ATL3: variants seen among roughly 807,000 people sequenced by gnomAD.
ATL3 encodes atlastin-3.
ATL3 carries 49 observed loss-of-function variants against 69.5 expected under a neutral mutation model. That is an observed-to-expected ratio of 0.71 (90% confidence interval 0.56 to 0.89). The LOEUF (loss-of-function observed/expected upper bound fraction) is 0.89. Among genes scored for constraint, ATL3 ranks in the 40% least tolerant of loss-of-function variants. ATL3 has a pLI of 0.00. For missense variants in ATL3, 606 were observed against 645.7 expected, an observed-to-expected ratio of 0.94 and a Z score of 0.67; for synonymous variants, 214 against 224.1, an observed-to-expected ratio of 0.95 and a Z score of 0.40.
rs761170351 is a variant in ATL3 at position 63,631,402 on chromosome 11, G to C, written c.1177C>G (p.Leu393Val). ...LEEKHCEFKQ[L>V]ALDHFKKTKK... Reference sequence around the variant, plus strand: ...GTCTTCTTAAAATGGTCCAGAGCAAGTTGTTTGAATTCACAGTGCTTCTCC... The same window carrying C: ...GTCTTCTTAAAATGGTCCAGAGCAACTTGTTTGAATTCACAGTGCTTCTCC... Residue 393 changes from leucine (L) to valine (V), a missense_variant, in exon 12 of 13, where the codon CTT becomes GTT. Physicochemically the swap from Leu to Val is conservative, Grantham distance 32. Transcript: ENST00000398868. The C allele has an allele frequency of 1.2e-6, 2 of 1,614,074 alleles. No individual in the cohort carries two copies. Among genetic ancestry groups the C allele is most frequent in the African/African-American group, 2.7e-5 (2 of 74,928 alleles).
intron 1 of ATL3, among the ~76,000 whole-genome samples, chr11:63,660,546 G>A (rs987180473): frequency 6.6e-6 from 1 of 152,148 alleles, no homozygotes; most frequent in African/African-American, 2.4e-5. Context: ...CTGTGATCCA[G>A]CAATTCTACT....
intron 5 of ATL3, among the ~76,000 whole-genome samples, chr11:63,647,377 G>A (rs1939918547): frequency 6.6e-6 from 1 of 152,140 alleles, no homozygotes. Flanking sequence ...ATTTTTAGTA[G>A]AGACGGGGTT....
chr11:63,658,638 T>G, intron 3 of ATL3, 123 bp downstream of exon 3: 3 of 1,152,308 alleles, frequency 2.6e-6, no homozygotes, highest in Non-Finnish European at 3.5e-6. Flanking sequence ...CTTTTTAACT[T>G]TTCTTACTTT....
At chr11:63,655,986 AGGCCAAGGCG>A (rs1284777439) in intron 3 of ATL3, among the ~76,000 whole-genome samples, 1 of 152,210 alleles carries the variant, frequency 6.6e-6, no homozygotes, top group African/African-American at 2.4e-5. Context: ...GCACTTTGGG[AGGCCAAGGCG>A]GGCAGATCAC....
intron 5 of ATL3, 95 bp from the exon 6 acceptor site, chr11:63,646,658 C>A: frequency 2.7e-6 from 2 of 736,418 alleles, no homozygotes; most frequent in Non-Finnish European, 4.5e-6. Context: ...TATACTGATA[C>A]CAGACTTCTA....
At chr11:63,631,592 T>C in intron 11 of ATL3, 121 bp from the exon 12 acceptor site, 2 of 931,406 alleles carry the variant, frequency 2.1e-6, no homozygotes, top group South Asian at 3.6e-5. Context: ...ATTAATAAGT[T>C]AACTTTTAAA....
At chr11:63,649,871 G>A (rs931494541) in intron 5 of ATL3, among the ~76,000 whole-genome samples, 30 of 152,118 alleles carry the variant, frequency 2.0e-4, no homozygotes, top group Admixed American at 7.2e-4. Flanking sequence ...ACTGATCTAT[G>A]CTTTATGGTA....
In ATL3 at chr11:63,651,939, C is replaced by T; in HGVS notation, c.558G>A (p.Leu186=). 1 of 1,594,518 alleles carries T rather than the reference C, an allele frequency of 6.3e-7. No homozygotes were observed. The highest frequency in any genetic ancestry group is 1.9e-4 in the Middle Eastern group (1 of 5,310). The change falls in exon 5 of 13, where the codon CTG becomes CTA. Residue 186 remains leucine (L), a synonymous_variant. Transcript: ENST00000398868. ...QNIQEDDLQQ[L]QLFTEYGRLA... ...AATTGTTATGAGAAATATATACCTGCAGCTGTTGAAGATCATCTTCTTGAA... is the reference window on the plus strand; with the variant it reads ...AATTGTTATGAGAAATATATACCTGTAGCTGTTGAAGATCATCTTCTTGAA...
In ATL3 at chr11:63,624,123, A is replaced by C. The variant is rs1939026451; in HGVS notation, c.*5196T>G. 1 of 152,248 alleles carries C rather than the reference A, an allele frequency of 6.6e-6. No individual in the cohort carries two copies. Among genetic ancestry groups the C allele is most frequent in the African/African-American group, 2.4e-5 (1 of 41,468 alleles). The allele number at this position is 152,248 out of a possible 1,614,324, so 9.4% of individuals were successfully genotyped here. On this transcript the variant is annotated 3_prime_UTR_variant, in exon 13 of 13. Coordinates refer to ENST00000398868, the MANE Select transcript of ATL3 (RefSeq NM_015459.5). ...TCTTTATTCCATTAAATGATCTTAC[A>C]AATTGGAGTAAAACAGAAACATGCT... is the stretch of plus-strand genomic sequence containing the variant.
In ATL3 at chr11:63,643,411, G is replaced by C. The variant is rs1052779395; in HGVS notation, c.796C>G (p.Pro266Ala). ...GTGGCCACCTGGAGTCCTGGATGTGGTAAGAGAAAGCAGGTGACATCGGAG... is the reference window on the plus strand; with the variant it reads ...GTGGCCACCTGGAGTCCTGGATGTGCTAAGAGAAAGCAGGTGACATCGGAG... The part of the protein sequence containing the change: ...CFSDVTCFLL[P>A]HPGLQVATSP... The change falls in exon 8 of 13, where the codon CCA becomes GCA. Residue 266 changes from proline to alanine, a missense_variant. Coordinates refer to ENST00000398868, the MANE Select transcript of ATL3 (RefSeq NM_015459.5). The C allele has an allele frequency of 3.1e-6, 5 of 1,611,140 alleles. No homozygotes were observed. The Admixed American group carries it at 5.0e-5, about 16-fold the overall frequency.
intron 8 of ATL3, among the ~76,000 whole-genome samples, chr11:63,638,982 G>A (rs530556169): frequency 1.3e-5 from 2 of 152,258 alleles, no homozygotes; most frequent in East Asian, 3.9e-4. Context: ...TCCTTTTATG[G>A]ATTAGCCCTA....
chr11:63,658,629 T>G, intron 3 of ATL3, 132 bp downstream of exon 3: 2 of 1,064,912 alleles, frequency 1.9e-6, no homozygotes, highest in South Asian at 4.8e-5. Flanking sequence ...AAACAGGGAC[T>G]TTTTAACTTT....
chr11:63,644,823 T>C (rs1939815973), intron 6 of ATL3, among the ~76,000 whole-genome samples: 1 of 152,186 alleles, frequency 6.6e-6, no homozygotes, highest in African/African-American at 2.4e-5. Flanking sequence ...AGGAAGACAT[T>C]AATGAGAAAA....
intron 8 of ATL3, among the ~76,000 whole-genome samples, chr11:63,637,277 G>A (rs202242183): frequency 3.3e-4 from 46 of 140,096 alleles, no homozygotes; most frequent in Admixed American, 3.5e-4. Context: ...CTCCATCTCA[G>A]AAAAAAAAAA....
intron 6 of ATL3, 110 bp from the exon 7 acceptor site, chr11:63,644,371 G>T: frequency 7.9e-4 from 353 of 448,458 alleles, no homozygotes; most frequent in East Asian, 1.7e-3. Context: ...GGGTAAAGTA[G>T]AAGGATTTAC....
chr11:63,670,352 C>T (rs990010289), intron 1 of ATL3: 4 of 152,194 alleles, frequency 2.6e-5, no homozygotes, highest in African/African-American at 9.6e-5. Flanking sequence ...TATGTGAAAT[C>T]GTACATTTTT....
rs1565281794 is a variant in ATL3 at position 63,658,883 on chromosome 11, A to C, written c.283T>G (p.Trp95Gly). 2.5e-6 allele frequency: 4 copies of C among 1,604,456 alleles called. No homozygotes were observed. The highest frequency in any genetic ancestry group is 3.4e-6 in the Non-Finnish European group (4 of 1,177,230). The change falls in exon 3 of 13, where the codon TGG (tryptophan) becomes GGG (glycine). Residue 95 changes from tryptophan (W) to glycine (G), a missense_variant. Trp to Gly is a radical substitution (Grantham distance 184). Transcript: ENST00000398868. The stretch of plus-strand genomic sequence containing the variant: ...AACGGTTCTTCTGGGTCACCCAACC[A>C]ATTTGAATGGCCACTTTCCTTCTAC... Reference protein sequence around the residue: ...YSQKESGHSNWLGDPEEPLTG... With the variant: ...YSQKESGHSNGLGDPEEPLTG...
intron 5 of ATL3, among the ~76,000 whole-genome samples, chr11:63,651,477 AT>A (rs950238373): frequency 6.6e-6 from 1 of 151,950 alleles, no homozygotes; most frequent in African/African-American, 2.4e-5. Context: ...AGATAACATC[AT>A]TGCTGACGAC....
At chr11:63,652,677 A>T in intron 3 of ATL3, 102 bp from the exon 4 acceptor site, 1 of 739,392 alleles carries the variant, frequency 1.4e-6, no homozygotes, top group Non-Finnish European at 2.1e-6. Context: ...AAGTACAGGT[A>T]ATGTTTATGT....
Sources: gnomAD v4.1 joint callset for allele counts (sites outside exome capture counted in the v4.1 genomes callset) on GRCh38, gnomAD v4.1.1 for gene constraint, MANE v1.5 for transcripts, NCBI Gene and HGNC (gene_info 2026-07-23, HGNC 2026-07-21) for gene names.